Variants in PDIA5 observed in about 807,000 individuals in gnomAD.
PDIA5 encodes the protein protein disulfide-isomerase A5.
In PDIA5, 58 loss-of-function variants were observed where a neutral mutation model predicts 77.6. That is an observed-to-expected ratio of 0.75 (90% CI 0.61 to 0.93). PDIA5 has a LOEUF of 0.93. Among genes scored for constraint, PDIA5 ranks in the 40% least tolerant of loss-of-function variants. The pLI is 0.00. For missense variants in PDIA5, 630 were observed against 647.7 expected (o/e 0.97, Z 0.30); for synonymous variants, 250 against 252.1 (o/e 0.99, Z 0.08).
chr3:123,077,086 C>T (rs1933876350), intron 1 of PDIA5, among the ~76,000 whole-genome samples: 1 of 152,168 alleles, frequency 6.6e-6, no homozygotes, highest in Non-Finnish European at 1.5e-5. Context: ...GTATTTACAG[C>T]AGCAGGCAGT....
At chr3:123,071,447 G>T (rs1218462405) in intron 1 of PDIA5, among the ~76,000 whole-genome samples, 1 of 152,128 alleles carries the variant, frequency 6.6e-6, no homozygotes, top group East Asian at 1.9e-4. Flanking sequence ...GAGCTTTTAA[G>T]GTACACTTAT....
chr3:123,150,394 A>G (rs762585822), intron 14 of PDIA5, 30 bp downstream of exon 14: 2 of 1,605,540 alleles, frequency 1.2e-6, no homozygotes, highest in Non-Finnish European at 1.7e-6. Flanking sequence ...ACTGAGTGGC[A>G]CAGTAAGAGG....
chr3:123,150,714 C>T (rs560075342), intron 14 of PDIA5, among the ~76,000 whole-genome samples: 1 of 151,962 alleles, frequency 6.6e-6, no homozygotes, highest in South Asian at 2.1e-4. Flanking sequence ...CCCCCTCTTC[C>T]TTCTCCAGAC....
intron 6 of PDIA5, among the ~76,000 whole-genome samples, chr3:123,110,569 G>A (rs1180806829): frequency 1.3e-5 from 2 of 152,158 alleles, no homozygotes; most frequent in Non-Finnish European, 2.9e-5. Flanking sequence ...ACAGCCTCAC[G>A]GGACAAAAAC....
rs71623603 is a variant in PDIA5, at chr3:123,101,906, CTTTTTTT to C, written c.258-490_258-484del. Among the ~76,000 whole-genome samples the C allele has an allele frequency of 1.2e-3, 89 of 71,400 alleles. 1 individual carries two copies. The highest frequency in any genetic ancestry group is 4.6e-3 in the African/African-American group (85 of 18,384). 46.8% of individuals were successfully genotyped at this position (71,400 alleles called of 152,430 possible). ...TCCCCTTCCTTTCCTTTCTTTCTTG[CTTTTTTT>C]TTTTTTTTTTTTTTGAGATGGAGTC... On this transcript the variant is annotated intron_variant, in intron 3 of 16. Coordinates refer to ENST00000316218, the MANE Select transcript of PDIA5 (RefSeq NM_006810.4).
intron 3 of PDIA5, among the ~76,000 whole-genome samples, chr3:123,097,528 C>T (rs1934473144): frequency 6.6e-6 from 1 of 152,160 alleles, no homozygotes; most frequent in Admixed American, 6.5e-5. Flanking sequence ...TCAGAGAGTG[C>T]TACGTGACCA....
At chr3:123,075,933 G>A (rs1383471459) in intron 1 of PDIA5, among the ~76,000 whole-genome samples, 13 of 152,174 alleles carry the variant, frequency 8.5e-5, no homozygotes. Flanking sequence ...TGAGTGTGTA[G>A]CACAAGTTCT....
intron 1 of PDIA5, among the ~76,000 whole-genome samples, chr3:123,076,140 G>A (rs543989071): frequency 5.3e-5 from 8 of 152,248 alleles, no homozygotes; most frequent in African/African-American, 7.2e-5. Flanking sequence ...CCAGCCTCTC[G>A]GGTATTATTC....
chr3:123,109,053 A>G (rs1560520958), intron 6 of PDIA5, among the ~76,000 whole-genome samples: 1 of 152,196 alleles, frequency 6.6e-6, no homozygotes, highest in East Asian at 1.9e-4. Context: ...CCTCCCCCAG[A>G]CACAATGTCC....
At chr3:123,109,722 T>C (rs1042254543) in intron 6 of PDIA5, among the ~76,000 whole-genome samples, 1 of 152,188 alleles carries the variant, frequency 6.6e-6, no homozygotes, top group East Asian at 1.9e-4. Flanking sequence ...TACCTTTACA[T>C]TGAGAGAGAT....
chr3:123,106,781 G>C lies in PDIA5; in HGVS notation c.420G>C (p.Gly140=), dbSNP rs752670536. 3 of 1,612,848 alleles carry C rather than the reference G, an allele frequency of 1.9e-6. No individual in the cohort carries two copies. The East Asian group carries it at 6.7e-5, about 36-fold the overall frequency. ...TGGCCTTTTTGAAGGATCCAAAAGG[G>C]CCCCCACTGTGGGAGGAAGATCCTG... ...SIVAFLKDPK[G]PPLWEEDPGA... The change falls in exon 6 of 17, where the codon GGG becomes GGC. Residue 140 remains glycine (G), a synonymous_variant. Coordinates refer to ENST00000316218, the MANE Select transcript of PDIA5 (RefSeq NM_006810.4).
chr3:123,155,366 T>C (rs967529634), intron 15 of PDIA5, among the ~76,000 whole-genome samples: 1 of 152,194 alleles, frequency 6.6e-6, no homozygotes, highest in East Asian at 1.9e-4. Flanking sequence ...TAATTAAAAA[T>C]ACAAATTTAA....
At chr3:123,104,956 C>T (rs1808987) in intron 5 of PDIA5, among the ~76,000 whole-genome samples, 117,635 of 152,194 alleles carry the variant, frequency 0.77, 45,513 homozygotes, top group Middle Eastern at 0.79. Context: ...TATTCAGCTT[C>T]AGTTAAGTGA....
intron 10 of PDIA5, among the ~76,000 whole-genome samples, chr3:123,125,155 C>T (rs1390200798): frequency 2.6e-5 from 4 of 152,190 alleles, no homozygotes; most frequent in Non-Finnish European, 4.4e-5. Context: ...TCGCTGAGCA[C>T]GCACCCTACT....
intron 11 of PDIA5, among the ~76,000 whole-genome samples, chr3:123,135,670 A>G (rs1212690780): frequency 6.6e-6 from 1 of 151,250 alleles, no homozygotes; most frequent in East Asian, 1.9e-4. Flanking sequence ...TTTGTAGAAA[A>G]TCTAGAAGGT....
intron 2 of PDIA5, 107 bp from the exon 3 acceptor site, chr3:123,092,248 C>A: frequency 2.4e-6 from 2 of 830,646 alleles, no homozygotes; most frequent in Non-Finnish European, 4.0e-6. Flanking sequence ...GACTTCTCCA[C>A]CCCCTCTAGG....
intron 10 of PDIA5, among the ~76,000 whole-genome samples, chr3:123,126,649 A>G (rs1186044629): frequency 1.3e-5 from 2 of 152,174 alleles, no homozygotes; most frequent in African/African-American, 4.8e-5. Context: ...CCTTTTGGGC[A>G]GTAGTGACCT....
intron 11 of PDIA5, among the ~76,000 whole-genome samples, chr3:123,141,772 A>G (rs1455048078): frequency 6.6e-6 from 1 of 152,252 alleles, no homozygotes; most frequent in Non-Finnish European, 1.5e-5. Flanking sequence ...TAATTTTTTA[A>G]TCTTAATATA....
chr3:123,151,843 GCCTTCCTTCCTGCCCTCCTTCCTT>G (rs1560561983), intron 14 of PDIA5, among the ~76,000 whole-genome samples: 7 of 125,672 alleles, frequency 5.6e-5, no homozygotes, highest in African/African-American at 1.8e-4. Flanking sequence ...CTGCCTGCCT[GCCTTCCTTCCTGCCCTCCTTCCTT>G]CCTGCCCGCC....
Sources: gnomAD v4.1 joint callset for allele counts (sites outside exome capture counted in the v4.1 genomes callset) on GRCh38, gnomAD v4.1.1 for gene constraint, MANE v1.5 for transcripts, NCBI Gene and HGNC (gene_info 2026-07-23, HGNC 2026-07-21) for gene names.